The following FAM107B variants were observed in gnomAD, a reference collection of about 807,000 sequenced individuals.
FAM107B encodes the protein protein FAM107B.
In FAM107B, 21 loss-of-function variants were observed where a neutral mutation model predicts 31.5. The ratio of observed to expected loss-of-function variants is 0.67; its 90% CI spans 0.47 to 0.96. FAM107B has a LOEUF of 0.96. Ranked by LOEUF, FAM107B falls within the 40% of genes least tolerant of loss-of-function variation. FAM107B has a pLI of 0.00. For synonymous variants in FAM107B, 157 were observed against 141.5 expected (o/e 1.11, Z -0.78); for missense variants, 452 against 377.1 (o/e 1.20, Z -1.64).
At chr10:14,595,059 C>T (rs1023557512) in intron 2 of FAM107B, among the ~76,000 whole-genome samples, 3 of 151,406 alleles carry the variant, frequency 2.0e-5, no homozygotes, top group South Asian at 2.1e-4. Flanking sequence ...AAAGGCAAAA[C>T]GCTACAGACA....
intron 2 of FAM107B, among the ~76,000 whole-genome samples, chr10:14,616,891 C>T (rs997232473): frequency 8.6e-5 from 13 of 151,634 alleles, no homozygotes; most frequent in Non-Finnish European, 1.6e-4. Context: ...TGTACTCCAG[C>T]CTGGGTGACA....
intron 1 of FAM107B, among the ~76,000 whole-genome samples, chr10:14,708,262 T>C (rs1379508803): frequency 6.6e-6 from 1 of 152,018 alleles, no homozygotes; most frequent in African/African-American, 2.4e-5. Flanking sequence ...TTAATTTTTA[T>C]TAGAGATGGG....
chr10:14,582,832 T>C (rs1402399999), intron 2 of FAM107B, among the ~76,000 whole-genome samples: 2 of 152,028 alleles, frequency 1.3e-5, no homozygotes, highest in Non-Finnish European at 2.9e-5. Context: ...ACGCCTATAA[T>C]CCCAGCACTT....
chr10:14,624,509 G>T (rs74122857), intron 2 of FAM107B, among the ~76,000 whole-genome samples: 4,730 of 152,070 alleles, frequency 0.031, 211 homozygotes, highest in African/African-American at 0.095. Flanking sequence ...GGTGGTGTGC[G>T]CCTGTAATCC....
chr10:14,590,607 A>G (rs1851984160), intron 2 of FAM107B, among the ~76,000 whole-genome samples: 1 of 152,170 alleles, frequency 6.6e-6, no homozygotes, highest in African/African-American at 2.4e-5. Context: ...AGGAACTCTC[A>G]ATTTCTTCCT....
chr10:14,541,036 T>A (rs572492291), intron 2 of FAM107B, among the ~76,000 whole-genome samples: 2 of 152,276 alleles, frequency 1.3e-5, no homozygotes, highest in South Asian at 4.1e-4. Flanking sequence ...TCCCTTAACT[T>A]CCTTATTTCT....
intron 1 of FAM107B, among the ~76,000 whole-genome samples, chr10:14,702,337 T>A (rs1283379171): frequency 6.6e-6 from 1 of 152,228 alleles, no homozygotes. Flanking sequence ...AATATTCATG[T>A]ATCATTATTT....
intron 2 of FAM107B, among the ~76,000 whole-genome samples, chr10:14,607,455 G>A (rs1224311243): frequency 6.6e-6 from 1 of 152,132 alleles, no homozygotes; most frequent in Non-Finnish European, 1.5e-5. Flanking sequence ...AAACTCAAAG[G>A]TTATGAGCTA....
chr10:14,774,144 C>T, intron 1 of FAM107B, 109 bp downstream of exon 1: 7 of 1,370,952 alleles, frequency 5.1e-6, no homozygotes, highest in Non-Finnish European at 6.9e-6. Context: ...GCCCGCAATG[C>T]CTTATTCAGT....
intron 2 of FAM107B, among the ~76,000 whole-genome samples, chr10:14,644,520 A>T (rs920908872): frequency 2.0e-5 from 3 of 152,234 alleles, no homozygotes; most frequent in Admixed American, 6.5e-5. Context: ...AATAATACAG[A>T]TATGTCTGAT....
intron 2 of FAM107B, among the ~76,000 whole-genome samples, chr10:14,639,538 A>C (rs899140609): frequency 6.6e-6 from 1 of 152,142 alleles, no homozygotes; most frequent in Non-Finnish European, 1.5e-5. Context: ...AAAAATTAAC[A>C]AGATTTCTCA....
intron 2 of FAM107B, among the ~76,000 whole-genome samples, chr10:14,609,813 C>G (rs928876855): frequency 6.6e-6 from 1 of 152,174 alleles, no homozygotes; most frequent in Non-Finnish European, 1.5e-5. Flanking sequence ...GAAGGACAGG[C>G]AAACAGACAG....
chr10:14,721,604 G>A (rs1220758782), intron 1 of FAM107B, among the ~76,000 whole-genome samples: 1 of 152,168 alleles, frequency 6.6e-6, no homozygotes, highest in Non-Finnish European at 1.5e-5. Flanking sequence ...CAGTGATGAT[G>A]AGCATTTTTT....
At chr10:14,677,616 G>A (rs1173836161) in intron 1 of FAM107B, among the ~76,000 whole-genome samples, 3 of 151,480 alleles carry the variant, frequency 2.0e-5, no homozygotes, top group African/African-American at 4.9e-5. Flanking sequence ...GCGAGACTCC[G>A]TCTCAAAAAA....
chr10:14,640,940 A>C (rs1483533561), intron 2 of FAM107B, among the ~76,000 whole-genome samples: 1 of 152,164 alleles, frequency 6.6e-6, no homozygotes, highest in Non-Finnish European at 1.5e-5. Flanking sequence ...ATCTAGATTT[A>C]ATTGTTTCCC....
chr10:14,645,270 G>A (rs916396158), intron 2 of FAM107B, among the ~76,000 whole-genome samples: 1 of 152,174 alleles, frequency 6.6e-6, no homozygotes, highest in Non-Finnish European at 1.5e-5. Flanking sequence ...GCTACAAAAA[G>A]CTCCTTTACT....
chr10:14,721,657 T>G (rs571024179), intron 1 of FAM107B, among the ~76,000 whole-genome samples: 1 of 152,236 alleles, frequency 6.6e-6, no homozygotes, highest in Non-Finnish European at 1.5e-5. Flanking sequence ...TTGAGAAGTG[T>G]CTGTTCATAT....
intron 2 of FAM107B, among the ~76,000 whole-genome samples, chr10:14,635,786 G>C (rs7095237): frequency 0.86 from 131,503 of 152,028 alleles, 57,161 homozygotes; most frequent in East Asian, 0.95. Context: ...CGCCTAACAC[G>C]ACGCCTGGCT....
At chr10:14,754,708 C>G (rs905265197) in intron 1 of FAM107B, among the ~76,000 whole-genome samples, 9 of 152,294 alleles carry the variant, frequency 5.9e-5, no homozygotes, top group South Asian at 2.1e-4. Flanking sequence ...CTGACTCTGG[C>G]CTTTTCAGTA....
Sources: allele counts gnomAD v4.1 joint callset (sites outside exome capture counted in the v4.1 genomes callset), GRCh38; gene constraint gnomAD v4.1.1; transcripts MANE v1.5; gene names NCBI Gene and HGNC (gene_info 2026-07-23, HGNC 2026-07-21).